Variants in FGF13 observed in about 807,000 individuals in gnomAD.
FGF13 encodes fibroblast growth factor homologous factor 2.
Under a neutral mutation model 19.5 loss-of-function variants are expected in FGF13, and 2 were observed. The observed-to-expected ratio is 0.10, with a 90% confidence interval of 0.04 to 0.32. The LOEUF (loss-of-function observed/expected upper bound fraction) is 0.32. Ranked by LOEUF, FGF13 falls within the 10% of genes least tolerant of loss-of-function variation. The pLI, the probability that FGF13 is intolerant of heterozygous loss-of-function variation, is 1.00. For synonymous variants in FGF13, 72 were observed against 76.9 expected (o/e 0.94, Z 0.33); for missense variants, 113 against 192.7 (o/e 0.59, Z 2.45).
At chrX:139,017,358 C>T (rs1166404653) in intron 1 of FGF13, among the ~76,000 whole-genome samples, 2 of 104,642 alleles carry the variant, frequency 1.9e-5, no homozygotes, top group Non-Finnish European at 3.9e-5. Context: ...TATATACACA[C>T]ACACACACAC....
intron 3 of FGF13, among the ~76,000 whole-genome samples, chrX:138,822,819 T>G (rs905353102): frequency 8.9e-6 from 1 of 112,372 alleles, no homozygotes; most frequent in African/African-American, 3.2e-5. Flanking sequence ...CCACAATCAT[T>G]ATGCTTTTAC....
chrX:138,697,452 T>C (rs995591733), intron 3 of FGF13, among the ~76,000 whole-genome samples: 1 of 109,860 alleles, frequency 9.1e-6, no homozygotes, highest in Admixed American at 9.9e-5. Flanking sequence ...AGAGGACTGC[T>C]TTCTGGTCTT....
intron 1 of FGF13, among the ~76,000 whole-genome samples, chrX:139,190,710 C>G (rs2084321252): frequency 8.9e-6 from 1 of 111,822 alleles, no homozygotes; most frequent in Non-Finnish European, 1.9e-5. Flanking sequence ...AACTGGATAC[C>G]ATAGAATTGA....
At chrX:138,970,016 A>G (rs2091909196) in intron 1 of FGF13, among the ~76,000 whole-genome samples, 1 of 111,942 alleles carries the variant, frequency 8.9e-6, no homozygotes, top group East Asian at 2.8e-4. Flanking sequence ...CTGCATGTAC[A>G]TGCCATCTAC....
chrX:139,074,023 G>A (rs958634654), intron 1 of FGF13, among the ~76,000 whole-genome samples: 1 of 112,357 alleles, frequency 8.9e-6, no homozygotes, highest in Non-Finnish European at 1.9e-5. Flanking sequence ...GATAGCTGGC[G>A]CTAAATTTCT....
intron 3 of FGF13, among the ~76,000 whole-genome samples, chrX:138,842,627 G>A (rs2091156766): frequency 9.0e-6 from 1 of 110,995 alleles, no homozygotes. Flanking sequence ...GTATTACACA[G>A]CCCAGTGGTT....
At chrX:139,075,701 T>C (rs1237560857) in intron 1 of FGF13, among the ~76,000 whole-genome samples, 1 of 112,129 alleles carries the variant, frequency 8.9e-6, no homozygotes, top group Non-Finnish European at 1.9e-5. Flanking sequence ...TCTTTTCCCG[T>C]CTATTTTCCC....
chrX:138,811,128 A>G (rs2090920433), intron 3 of FGF13, among the ~76,000 whole-genome samples: 1 of 112,228 alleles, frequency 8.9e-6, no homozygotes, highest in Non-Finnish European at 1.9e-5. Flanking sequence ...TCATGCTGCT[A>G]TAAAGACACA....
chrX:138,737,565 A>C (rs2090287254), intron 1 of FGF13, among the ~76,000 whole-genome samples: 1 of 111,894 alleles, frequency 8.9e-6, no homozygotes, highest in Admixed American at 9.5e-5. Context: ...TCAACCTATA[A>C]GTCTATTGTA....
intron 3 of FGF13, among the ~76,000 whole-genome samples, chrX:138,667,539 G>C (rs2089563274): frequency 9.0e-6 from 1 of 111,074 alleles, no homozygotes; most frequent in Non-Finnish European, 1.9e-5. Context: ...GACTATAAGA[G>C]AGTTACAAAG....
In FGF13 at chrX:138,622,292, T is replaced by A. The variant is rs2089021711; in HGVS notation, c.*10558A>T. The A allele has an allele frequency of 1.8e-5, 2 of 111,328 alleles. No individual in the cohort carries two copies. The highest frequency in any genetic ancestry group is 1.9e-4 in the Admixed American group (2 of 10,442). 9.2% of individuals were successfully genotyped at this position (111,328 alleles called of 1,213,427 possible). ...GAGAGTTATCCCTGGGATAAAAGGA[T>A]GGCTCAACATACTCAAATCAATAAA... On this transcript the variant is annotated 3_prime_UTR_variant, in exon 5 of 5. Coordinates refer to ENST00000315930, the MANE Select transcript of FGF13 (RefSeq NM_004114.5).
At chrX:138,705,850 C>G (rs2089987508) in intron 2 of FGF13, among the ~76,000 whole-genome samples, 1 of 112,392 alleles carries the variant, frequency 8.9e-6, no homozygotes, top group Non-Finnish European at 1.9e-5. Flanking sequence ...GAGAAGAAAA[C>G]AGTTGACTTC....
chrX:138,647,410 G>A (rs1185529955), intron 3 of FGF13, among the ~76,000 whole-genome samples: 2 of 110,861 alleles, frequency 1.8e-5, no homozygotes, highest in Non-Finnish European at 3.8e-5. Context: ...ACAAGACAAC[G>A]GTTTCCTATT....
At chrX:138,922,449 C>T (rs1337988203) in intron 1 of FGF13, among the ~76,000 whole-genome samples, 1 of 111,416 alleles carries the variant, frequency 9.0e-6, no homozygotes, top group East Asian at 2.8e-4. Flanking sequence ...TCTACATTGA[C>T]CTACTGGATG....
In FGF13 at chrX:138,630,842, T is replaced by C. The variant is rs1602632422; in HGVS notation, c.*2008A>G. 8.9e-6 allele frequency: 1 copy of C among 112,324 alleles called. No homozygotes were observed. Among genetic ancestry groups the C allele is most frequent in the East Asian group, 2.8e-4 (1 of 3,575 alleles). The allele number at this position is 112,324 out of a possible 1,213,427, so 9.3% of individuals were successfully genotyped here. On this transcript the variant is annotated 3_prime_UTR_variant, in exon 5 of 5. Coordinates refer to ENST00000315930, the MANE Select transcript of FGF13 (RefSeq NM_004114.5). ...AAGTTGAAAATGCATTTAATACACC[T>C]AACCTAGCAAACATCATAGCTTAGC...
intron 1 of FGF13, among the ~76,000 whole-genome samples, chrX:138,917,311 A>G (rs2091622595): frequency 9.0e-6 from 1 of 111,448 alleles, no homozygotes; most frequent in South Asian, 3.8e-4. Context: ...AAGCCCCTAT[A>G]ATTACTGTTC....
At chrX:138,982,718 T>C (rs935435297) in intron 1 of FGF13, among the ~76,000 whole-genome samples, 3 of 112,015 alleles carry the variant, frequency 2.7e-5, no homozygotes, top group African/African-American at 9.7e-5. Flanking sequence ...GTGGGAAAAG[T>C]ACGCCCAAGG....
At chrX:138,787,360 G>A (rs1250864286) in intron 3 of FGF13, among the ~76,000 whole-genome samples, 1 of 111,551 alleles carries the variant, frequency 9.0e-6, no homozygotes, top group Non-Finnish European at 1.9e-5. Flanking sequence ...CCAGAGGCTG[G>A]ATGGCTTAAA....
intron 3 of FGF13, among the ~76,000 whole-genome samples, chrX:138,796,422 T>C (rs2090778883): frequency 8.9e-6 from 1 of 112,223 alleles, no homozygotes; most frequent in African/African-American, 3.2e-5. Flanking sequence ...TATGGCTTCA[T>C]AGTATTCCAT....
Sources: gnomAD v4.1 joint callset for allele counts (sites outside exome capture counted in the v4.1 genomes callset) on GRCh38, gnomAD v4.1.1 for gene constraint, MANE v1.5 for transcripts, NCBI Gene and HGNC (gene_info 2026-07-23, HGNC 2026-07-21) for gene names.